The following IST1 variants were observed in gnomAD, a reference collection of about 807,000 sequenced individuals.
The protein encoded by IST1 is IST1 factor associated with ESCRT-III.
A neutral mutation model predicts 37.0 loss-of-function variants in IST1; 23 were observed. That is an observed-to-expected ratio of 0.62 (90% CI 0.45 to 0.88). The LOEUF (loss-of-function observed/expected upper bound fraction) is 0.88. Among genes scored for constraint, IST1 ranks in the 40% least tolerant of loss-of-function variants. The probability of loss-of-function intolerance (pLI) is 0.00; values close to 1 mark genes in which losing one functional copy is unlikely to be tolerated. For synonymous variants in IST1, 180 were observed against 161.7 expected (o/e 1.11, Z -0.86); for missense variants, 488 against 445.4 (o/e 1.10, Z -0.86).
At position 71,915,606 on chromosome 16, in the gene IST1, TG is replaced by T; in HGVS notation, c.-15-19del. 2 of 1,560,106 alleles carry T rather than the reference TG, an allele frequency of 1.3e-6. 1 individual carries two copies. The highest frequency in any genetic ancestry group is 1.7e-6 in the Non-Finnish European group (2 of 1,143,606). ...CTAATGTTGACTTGAAAATAGTCAT[TG>T]TGCTTCTTCTGTTTCTAGGAGGAAC... On this transcript the variant is annotated intron_variant, in intron 1 of 9. Transcript: ENST00000378799.
At chr16:71,912,224 T>G (rs928281265) in intron 1 of IST1, among the ~76,000 whole-genome samples, 18 of 152,238 alleles carry the variant, frequency 1.2e-4, no homozygotes, top group Non-Finnish European at 2.4e-4. Context: ...TAAAAAGGCC[T>G]GTTCTGTCTC....
intron 1 of IST1, among the ~76,000 whole-genome samples, chr16:71,909,870 G>C (rs1020729037): frequency 6.6e-6 from 1 of 152,156 alleles, no homozygotes; most frequent in Non-Finnish European, 1.5e-5. Context: ...CCATGATAGA[G>C]CCATACTCAG....
intron 1 of IST1, among the ~76,000 whole-genome samples, chr16:71,900,877 A>T (rs961808450): frequency 1.3e-5 from 2 of 152,172 alleles, no homozygotes; most frequent in African/African-American, 4.8e-5. Flanking sequence ...TGCTTAATAG[A>T]ATAGCACTCA....
At chr16:71,898,526 A>G (rs2037029149) in intron 1 of IST1, among the ~76,000 whole-genome samples, 1 of 151,782 alleles carries the variant, frequency 6.6e-6, no homozygotes, top group Non-Finnish European at 1.5e-5. Flanking sequence ...TCTACTGTAA[A>G]TACAAAAATT....
At chr16:71,909,281 A>T (rs566056563) in intron 1 of IST1, among the ~76,000 whole-genome samples, 1 of 151,586 alleles carries the variant, frequency 6.6e-6, no homozygotes, top group East Asian at 1.9e-4. Context: ...CTAATTTCTA[A>T]ATATTCTGTA....
At position 71,923,026 on chromosome 16, in the gene IST1, G is replaced by T. The variant is rs2037645065; in HGVS notation, c.760-262G>T. ...AACCTTTGTAGATAAGATGGTCATTGGTAGTAAGAAAGTCTCGTTAGAGTT... is the reference window on the plus strand; with the variant it reads ...AACCTTTGTAGATAAGATGGTCATTTGTAGTAAGAAAGTCTCGTTAGAGTT... On this transcript the variant is annotated intron_variant, in intron 7 of 9. Coordinates refer to ENST00000378799, the MANE Select transcript of IST1 (RefSeq NM_001270975.2). The T allele has an allele frequency of 1.5e-5, 7 of 468,652 alleles. No homozygotes were observed. In the East Asian group the frequency reaches 2.7e-4, roughly 18 times the overall value. 29.0% of individuals were successfully genotyped at this position (468,652 alleles called of 1,614,324 possible).
rs192426171 is a variant in IST1 at position 71,895,561 on chromosome 16, C to G, written c.-44C>G. 6.2e-5 allele frequency: 61 copies of G among 985,658 alleles called. No homozygotes were observed. In the African/African-American group the frequency reaches 9.6e-4, roughly 15 times the overall value. The allele number at this position is 985,658 out of a possible 1,614,324, so 61.1% of individuals were successfully genotyped here. ...GGATGGTGAACCCTGAAGTCGGTGT[C>G]TGCTGCGTTCACGGCAGGATTCGGT... On this transcript the variant is annotated 5_prime_UTR_variant, in exon 1 of 10. Coordinates refer to ENST00000378799, the MANE Select transcript of IST1 (RefSeq NM_001270975.2).
chr16:71,926,875 G>T (rs1471092861), intron 9 of IST1, among the ~76,000 whole-genome samples: 1 of 152,050 alleles, frequency 6.6e-6, no homozygotes, highest in Non-Finnish European at 1.5e-5. Context: ...CTAGATGGAA[G>T]ACTGGAAATA....
chr16:71,897,055 T>C (rs1257977132), intron 1 of IST1, among the ~76,000 whole-genome samples: 1 of 152,106 alleles, frequency 6.6e-6, no homozygotes, highest in South Asian at 2.1e-4. Flanking sequence ...GGTCTCACTC[T>C]GTTTCCCAGG....
At position 71,922,668 on chromosome 16, in the gene IST1, G is replaced by A. The variant is rs2037632183; in HGVS notation, c.747G>A (p.Leu249=). 1.2e-6 allele frequency: 2 copies of A among 1,601,260 alleles called. No homozygotes were observed. The highest frequency in any genetic ancestry group is 1.4e-5 in the African/African-American group (1 of 73,110). The change falls in exon 7 of 10, where the codon CTG becomes CTA. Residue 249 remains leucine (L), a synonymous_variant. Transcript: ENST00000378799. ...CAAATACGCCTTTCTCATATCCACT[G>A]CCAAAGGGACCAGTAAGTATATATA... ...PSANTPFSYP[L]PKGPSDFNGL...
chr16:71,908,714 C>T (rs765318354), intron 1 of IST1, among the ~76,000 whole-genome samples: 6 of 152,202 alleles, frequency 3.9e-5, no homozygotes, highest in Non-Finnish European at 8.8e-5. Context: ...GGTCCCCTTT[C>T]TAGTTCCTCA....
intron 1 of IST1, among the ~76,000 whole-genome samples, chr16:71,910,437 T>C (rs2037325062): frequency 6.6e-6 from 1 of 151,888 alleles, no homozygotes; most frequent in African/African-American, 2.4e-5. Context: ...AAACCCCGTC[T>C]CTACTAAAAA....
In IST1 at chr16:71,930,200, A is replaced by T; in HGVS notation, c.*2387A>T. The stretch of plus-strand genomic sequence containing the variant: ...AGCGAAAACCTGGGAAAACAATAAG[A>T]ACACTTGCAGTGACTGACAATTTAG... On this transcript the variant is annotated 3_prime_UTR_variant, in exon 10 of 10. Coordinates refer to ENST00000378799, the MANE Select transcript of IST1 (RefSeq NM_001270975.2). 1 of 1,537,342 alleles carries T rather than the reference A, an allele frequency of 6.5e-7. No individual in the cohort carries two copies. Among genetic ancestry groups the T allele is most frequent in the Non-Finnish European group, 8.8e-7 (1 of 1,141,160 alleles).
chr16:71,921,043 AT>A, intron 5 of IST1: 6 of 618,362 alleles, frequency 9.7e-6, no homozygotes, highest in South Asian at 9.0e-5. Context: ...CCCACTTTGT[AT>A]GCCTCGTGTC....
At chr16:71,908,905 CAGAT>C (rs1482376956) in intron 1 of IST1, among the ~76,000 whole-genome samples, 1 of 152,082 alleles carries the variant, frequency 6.6e-6, no homozygotes, top group Non-Finnish European at 1.5e-5. Flanking sequence ...TCATAGTTCT[CAGAT>C]AGCTGCTACA....
Position 71,915,712 on chromosome 16 carries a change from A to G in IST1, c.72A>G (p.Leu24=), listed in dbSNP as rs777846702. ...NLRLVINRLK[L]LEKKKTELAQ... Reference sequence around the variant, plus strand: ...GATTAGTCATAAATCGCCTTAAACTATTGGAGAAAAAGAAAAGTGAGTAGT... The same window carrying G: ...GATTAGTCATAAATCGCCTTAAACTGTTGGAGAAAAAGAAAAGTGAGTAGT... Residue 24 remains leucine (L), a synonymous_variant, in exon 2 of 10, where the codon CTA becomes CTG. Transcript: ENST00000378799. The G allele has an allele frequency of 6.2e-6, 10 of 1,610,618 alleles. No individual in the cohort carries two copies. In the Admixed American group the frequency reaches 6.7e-5, roughly 11 times the overall value.
chr16:71,899,924 G>A (rs571865824), intron 1 of IST1, among the ~76,000 whole-genome samples: 28 of 150,644 alleles, frequency 1.9e-4, no homozygotes, highest in Non-Finnish European at 3.7e-4. Flanking sequence ...TCGGGAGGCT[G>A]AGGCAGAGGT....
rs1325008847 is a variant in IST1 at position 71,930,120 on chromosome 16, G to T, written c.*2307G>T. The T allele has an allele frequency of 6.4e-7, 1 of 1,551,640 alleles. No individual in the cohort carries two copies. The highest frequency in any genetic ancestry group is 2.4e-5 in the East Asian group (1 of 40,910). On this transcript the variant is annotated 3_prime_UTR_variant, in exon 10 of 10. Transcript: ENST00000378799. ...GAAACGAAAAGATTAATTACCACAA[G>T]TACCATCAAGATGACACTGGTGAGG...
At chr16:71,917,893 C>G (rs746391062) in intron 4 of IST1, among the ~76,000 whole-genome samples, 11 of 152,056 alleles carry the variant, frequency 7.2e-5, no homozygotes, top group Non-Finnish European at 1.5e-4. Context: ...ATGTTTGTTT[C>G]TCTCAAGTTC....
Sources: allele counts gnomAD v4.1 joint callset (sites outside exome capture counted in the v4.1 genomes callset), GRCh38; gene constraint gnomAD v4.1.1; transcripts MANE v1.5; gene names NCBI Gene and HGNC (gene_info 2026-07-23, HGNC 2026-07-21).